The following COLEC10 variants were observed in gnomAD, a reference collection of about 807,000 sequenced individuals.
COLEC10 encodes the protein collectin-10.
COLEC10 carries 22 observed loss-of-function variants against 28.4 expected under a neutral mutation model. The ratio of observed to expected loss-of-function variants is 0.78; its 90% CI spans 0.55 to 1.11. COLEC10 has a LOEUF of 1.11. COLEC10 is among the 50% of genes least tolerant of loss of function. The pLI is 0.00. For synonymous variants in COLEC10, 125 were observed against 116.1 expected (o/e 1.08, Z -0.49); for missense variants, 361 against 344.1 (o/e 1.05, Z -0.39).
intron 1 of COLEC10, among the ~76,000 whole-genome samples, chr8:119,001,844 A>G (rs1250391610): frequency 6.6e-6 from 1 of 152,226 alleles, no homozygotes; most frequent in East Asian, 1.9e-4. Flanking sequence ...CTCAAAAAGA[A>G]TAATCTGTAA....
At chr8:119,027,422 GTCTTTATTTATTTATTTT>G (rs1232331595) in intron 2 of COLEC10, among the ~76,000 whole-genome samples, 1 of 152,060 alleles carries the variant, frequency 6.6e-6, no homozygotes, top group Non-Finnish European at 1.5e-5. Context: ...TCTGGATTAT[GTCTTTATTTATTTATTTT>G]TCTTTCTTCC....
At chr8:119,019,161 G>A (rs1814047693) in intron 2 of COLEC10, among the ~76,000 whole-genome samples, 2 of 152,082 alleles carry the variant, frequency 1.3e-5, no homozygotes, top group African/African-American at 4.8e-5. Context: ...ATAAACAGAT[G>A]GTATAAATAT....
chr8:119,069,341 T>C (rs1815041771), intron 1 of COLEC10, among the ~76,000 whole-genome samples: 1 of 151,806 alleles, frequency 6.6e-6, no homozygotes, highest in Non-Finnish European at 1.5e-5. Flanking sequence ...TTGCCTGCAA[T>C]CCTAACACTT....
chr8:119,032,629 C>T (rs953959249), intron 2 of COLEC10, among the ~76,000 whole-genome samples: 1 of 152,118 alleles, frequency 6.6e-6, no homozygotes, highest in African/African-American at 2.4e-5. Flanking sequence ...CTGCCCCGCG[C>T]GGTGGCTCAT....
chr8:119,088,211 AAG>A (rs1422076702), intron 1 of COLEC10, among the ~76,000 whole-genome samples: 1 of 151,730 alleles, frequency 6.6e-6, no homozygotes, highest in Non-Finnish European at 1.5e-5. Context: ...GAGGGAGGGA[AAG>A]AGAGAGAGAA....
chr8:118,953,663 T>C, the COLEC10 span, among the ~76,000 whole-genome samples: 1 of 152,316 alleles, frequency 6.6e-6, no homozygotes, highest in African/African-American at 2.4e-5. Flanking sequence ...ATTATATAAA[T>C]GATGGTAATC....
At position 119,047,907 on chromosome 8, in the gene COLEC10, C is replaced by T. The variant is rs116174921; in HGVS notation, n.235+38354C>T. ...AGAACCATCAGTCTATATGATAACC[C>T]CCAATCCTTGGGTACTCAATCATCA... is the stretch of plus-strand genomic sequence containing the variant. On this transcript the variant is annotated intron_variant and non_coding_transcript_variant, in intron 2 of 6. Transcript: ENST00000521788. 6.9e-3 allele frequency among the ~76,000 whole-genome samples: 1,044 copies of T among 152,142 alleles called. 16 individuals are homozygous for T. The highest frequency in any genetic ancestry group is 0.023 in the African/African-American group (938 of 41,516).
chr8:119,079,226 C>A (rs1004208322), intron 1 of COLEC10, among the ~76,000 whole-genome samples: 3 of 152,178 alleles, frequency 2.0e-5, no homozygotes, highest in Admixed American at 2.0e-4. Flanking sequence ...TCTAAGCACT[C>A]TTCTAAGCTC....
chr8:119,029,069 G>T (rs560810163), intron 2 of COLEC10, among the ~76,000 whole-genome samples: 1 of 152,156 alleles, frequency 6.6e-6, no homozygotes, highest in Non-Finnish European at 1.5e-5. Context: ...CTCTCGCAGG[G>T]AATGTGCAAC....
intron 1 of COLEC10, chr8:119,067,748 C>T (rs1385497): frequency 0.4 from 87,352 of 220,206 alleles, 17,935 homozygotes; most frequent in Non-Finnish European, 0.45. Flanking sequence ...TCTCCAGAAG[C>T]CCTTTCCTTC....
At chr8:119,019,132 G>A (rs1338301515) in intron 2 of COLEC10, among the ~76,000 whole-genome samples, 1 of 152,166 alleles carries the variant, frequency 6.6e-6, no homozygotes, top group South Asian at 2.1e-4. Context: ...ATGAATCATA[G>A]TGTCCACCTG....
intron 2 of COLEC10, 70 bp from the exon 3 acceptor site, chr8:119,091,079 A>G: frequency 8.4e-7 from 1 of 1,194,074 alleles, no homozygotes; most frequent in South Asian, 1.2e-5. Flanking sequence ...TTTCAAGTGA[A>G]TATCACATTA....
At position 119,074,573 on chromosome 8, in the gene COLEC10, C is replaced by CT. The variant is rs1322440294; in HGVS notation, c.148+7145dup. Among the ~76,000 whole-genome samples the CT allele has an allele frequency of 7.2e-5, 11 of 152,322 alleles. No individual in the cohort carries two copies. In the East Asian group the frequency reaches 1.9e-3, roughly 27 times the overall value. On this transcript the variant is annotated intron_variant, in intron 1 of 5. Coordinates refer to ENST00000332843, the MANE Select transcript of COLEC10 (RefSeq NM_006438.5). ...ACTACTGTTTGTTACCAACAGCTCT[C>CT]TCCCCCATTCCTAAAGAAAGGCTCA... is the stretch of plus-strand genomic sequence containing the variant.
At chr8:119,072,448 T>C (rs1022005371) in intron 1 of COLEC10, among the ~76,000 whole-genome samples, 13 of 152,208 alleles carry the variant, frequency 8.5e-5, no homozygotes, top group African/African-American at 3.1e-4. Flanking sequence ...CTCAATGGAC[T>C]TTTGAGAAAA....
intron 2 of COLEC10, among the ~76,000 whole-genome samples, chr8:119,013,939 T>C (rs1196084522): frequency 6.6e-6 from 1 of 150,816 alleles, no homozygotes; most frequent in Non-Finnish European, 1.5e-5. Context: ...TCACACGTAG[T>C]GCAAATACCT....
chr8:118,976,519 G>A, the COLEC10 span: 7 of 152,342 alleles, frequency 4.6e-5, no homozygotes, highest in Admixed American at 2.0e-4. Flanking sequence ...TACTGTGCTC[G>A]CTTCGGCAGC....
At chr8:119,087,451 T>G (rs886934436) in intron 1 of COLEC10, among the ~76,000 whole-genome samples, 5 of 152,242 alleles carry the variant, frequency 3.3e-5, no homozygotes, top group African/African-American at 1.2e-4. Context: ...GGAAAAAAAG[T>G]GTAATTTTTG....
chr8:118,999,254 C>T (rs1352186107), intron 1 of COLEC10, among the ~76,000 whole-genome samples: 1 of 152,008 alleles, frequency 6.6e-6, no homozygotes, highest in Admixed American at 6.6e-5. Context: ...AAAAGAGAAG[C>T]TAGTGAATGG....
intron 1 of COLEC10, among the ~76,000 whole-genome samples, chr8:119,071,018 C>T (rs981093974): frequency 4.6e-5 from 7 of 152,158 alleles, no homozygotes; most frequent in Non-Finnish European, 8.8e-5. Flanking sequence ...GGCCTTCTGG[C>T]TCCAAGTCCA....
Sources: gnomAD v4.1 joint callset for allele counts (sites outside exome capture counted in the v4.1 genomes callset) on GRCh38, gnomAD v4.1.1 for gene constraint, MANE v1.5 for transcripts, NCBI Gene and HGNC (gene_info 2026-07-23, HGNC 2026-07-21) for gene names.